Variants in TRPM7 observed in about 807,000 individuals in gnomAD.
TRPM7 encodes LTRPC ion channel family member 7.
Under a neutral mutation model 229.7 loss-of-function variants are expected in TRPM7, and 134 were observed. That is an observed-to-expected ratio of 0.58 (90% CI 0.51 to 0.67). The LOEUF is 0.67. Among genes scored for constraint, TRPM7 ranks in the 30% least tolerant of loss-of-function variants. The pLI is 0.00. For synonymous variants in TRPM7, 699 were observed against 715.2 expected, an observed-to-expected ratio of 0.98 and a Z score of 0.36; for missense variants, 1,901 against 2,210.0, an observed-to-expected ratio of 0.86 and a Z score of 2.80.
intron 36 of TRPM7, among the ~76,000 whole-genome samples, chr15:50,570,727 C>T (rs2053841959): frequency 6.7e-6 from 1 of 150,266 alleles, no homozygotes; most frequent in Admixed American, 6.7e-5. Context: ...GTGGGGGGCG[C>T]CTGTAGTCCC....
chr15:50,686,291 G>C (rs990714730), intron 1 of TRPM7, among the ~76,000 whole-genome samples: 7 of 152,218 alleles, frequency 4.6e-5, no homozygotes, highest in Admixed American at 3.3e-4. Context: ...TGGGAGCCGA[G>C]TCTCGGCTCA....
At chr15:50,613,019 G>GC (rs764229988) in intron 15 of TRPM7, among the ~76,000 whole-genome samples, 190 bp from the exon 16 acceptor site, 34 of 152,024 alleles carry the variant, frequency 2.2e-4, no homozygotes, top group Non-Finnish European at 4.1e-4. Flanking sequence ...CAACAAAAAT[G>GC]CCTTTGCAAT....
At chr15:50,653,281 T>C (rs1409314356) in intron 3 of TRPM7, among the ~76,000 whole-genome samples, 2 of 152,192 alleles carry the variant, frequency 1.3e-5, no homozygotes, top group Non-Finnish European at 2.9e-5. Context: ...TGAGACCCCG[T>C]TCTCCACAAA....
intron 21 of TRPM7, among the ~76,000 whole-genome samples, chr15:50,601,091 T>C (rs975066935): frequency 2.0e-5 from 3 of 152,220 alleles, no homozygotes; most frequent in Non-Finnish European, 4.4e-5. Flanking sequence ...ACATTATTCA[T>C]GCTATTTGAT....
intron 11 of TRPM7, among the ~76,000 whole-genome samples, chr15:50,626,883 AAC>A (rs531194186): frequency 3.9e-5 from 6 of 152,268 alleles, no homozygotes; most frequent in African/African-American, 9.6e-5. Flanking sequence ...ATCCCATGTT[AAC>A]AGTTTTAGAA....
At chr15:50,608,553 T>C (rs558517111) in intron 19 of TRPM7, among the ~76,000 whole-genome samples, 38 of 152,314 alleles carry the variant, frequency 2.5e-4, no homozygotes, top group African/African-American at 8.9e-4. Flanking sequence ...CTGCCCTATT[T>C]TCATCAGTGG....
intron 2 of TRPM7, among the ~76,000 whole-genome samples, chr15:50,660,931 G>A (rs1256751376): frequency 2.0e-5 from 3 of 150,990 alleles, no homozygotes; most frequent in Non-Finnish European, 4.4e-5. Flanking sequence ...AGTAGAACAG[G>A]TATATAAATT....
intron 1 of TRPM7, among the ~76,000 whole-genome samples, chr15:50,673,788 T>C (rs1250942670): frequency 2.0e-5 from 3 of 152,146 alleles, no homozygotes; most frequent in African/African-American, 2.4e-5. Context: ...CTCTGGTAGA[T>C]ACCCAGTAGT....
At chr15:50,614,395 T>A in intron 13 of TRPM7, 132 bp from the exon 14 acceptor site, 1 of 809,258 alleles carries the variant, frequency 1.2e-6, no homozygotes, top group Non-Finnish European at 1.8e-6. Flanking sequence ...CCAGGTGCAG[T>A]GGCTCACGCC....
intron 38 of TRPM7, among the ~76,000 whole-genome samples, chr15:50,564,256 A>ATAACATAACATAACATAAC: frequency 2.3e-5 from 1 of 43,554 alleles, no homozygotes; most frequent in South Asian, 7.0e-4. Context: ...CAAAAAATAA[A>ATAACATAACATAACATAAC]ATAAAATAAA....
At chr15:50,578,572 G>T (rs2054248806) in intron 31 of TRPM7, 67 bp downstream of exon 31, 2 of 1,455,562 alleles carry the variant, frequency 1.4e-6, no homozygotes, top group Non-Finnish European at 1.9e-6. Context: ...GAATAATGTG[G>T]TGTTTGCTGT....
intron 10 of TRPM7, among the ~76,000 whole-genome samples, chr15:50,628,764 T>G (rs530641620): frequency 6.6e-6 from 1 of 152,310 alleles, no homozygotes; most frequent in East Asian, 1.9e-4. Context: ...ATTGCAAACA[T>G]TTAGAAATGC....
At chr15:50,631,593 A>T (rs1032260427) in intron 9 of TRPM7, 104 bp from the exon 10 acceptor site, 3 of 611,486 alleles carry the variant, frequency 4.9e-6, no homozygotes, top group Non-Finnish European at 8.8e-6. Context: ...ATATATATGT[A>T]TGTATCTAGG....
At chr15:50,657,366 T>C (rs1313939223) in intron 3 of TRPM7, among the ~76,000 whole-genome samples, 2 of 152,198 alleles carry the variant, frequency 1.3e-5, no homozygotes, top group Non-Finnish European at 2.9e-5. Context: ...TAATTGCCTG[T>C]ACAATATCCT....
At chr15:50,630,042 A>G (rs2060685948) in intron 10 of TRPM7, among the ~76,000 whole-genome samples, 1 of 151,800 alleles carries the variant, frequency 6.6e-6, no homozygotes, top group African/African-American at 2.4e-5. Flanking sequence ...TTGTATTGTT[A>G]GTAGAGACGA....
intron 1 of TRPM7, among the ~76,000 whole-genome samples, chr15:50,669,959 C>T (rs12439561): frequency 0.55 from 84,325 of 151,948 alleles, 23,534 homozygotes; most frequent in Admixed American, 0.62. Context: ...TTATGGAATA[C>T]ATTGCTGTTG....
chr15:50,635,318 TAAAAAAAAAAAAAAAAAA>T (rs71124393), intron 7 of TRPM7, among the ~76,000 whole-genome samples: 1 of 42,916 alleles, frequency 2.3e-5, no homozygotes, highest in Non-Finnish European at 4.1e-5. Context: ...CTCCCTCACA[TAAAAAAAAAAAAAAAAAA>T]AAAAAAAAAG....
chr15:50,652,848 A>G (rs1208779710), intron 3 of TRPM7, among the ~76,000 whole-genome samples: 1 of 152,160 alleles, frequency 6.6e-6, no homozygotes, highest in East Asian at 1.9e-4. Context: ...AAAGAAAAAA[A>G]GGCAAAGCAT....
intron 22 of TRPM7, 90 bp from the exon 23 acceptor site, chr15:50,596,471 TTTAC>T (rs1566977141): frequency 9.5e-7 from 1 of 1,056,438 alleles, no homozygotes; most frequent in African/African-American, 1.6e-5. Context: ...TGGTTATTTA[TTTAC>T]TTAAAGTAAG....
Sources: gnomAD v4.1 joint callset for allele counts (sites outside exome capture counted in the v4.1 genomes callset) on GRCh38, gnomAD v4.1.1 for gene constraint, MANE v1.5 for transcripts, NCBI Gene and HGNC (gene_info 2026-07-23, HGNC 2026-07-21) for gene names.